Variants in TUBB8 observed in about 807,000 individuals in gnomAD.
TUBB8 encodes the protein tubulin beta 8 class VIII.
A neutral mutation model predicts 33.7 loss-of-function variants in TUBB8; 25 were observed. The ratio of observed to expected loss-of-function variants is 0.74; its 90% CI spans 0.54 to 1.04. The LOEUF (loss-of-function observed/expected upper bound fraction) is 1.04. Ranked by LOEUF, TUBB8 falls within the 50% of genes least tolerant of loss-of-function variation. TUBB8 has a pLI of 0.00. For synonymous variants in TUBB8, 245 were observed against 240.1 expected, an observed-to-expected ratio of 1.02 and a Z score of -0.19; for missense variants, 279 against 608.0, an observed-to-expected ratio of 0.46 and a Z score of 5.69.
intron 1 of TUBB8, among the ~76,000 whole-genome samples, chr10:64,134 G>A (rs1221655382): frequency 5.9e-5 from 9 of 152,104 alleles, no homozygotes; most frequent in Non-Finnish European, 1.2e-4. Flanking sequence ...ATGTGGAGCT[G>A]GAGTTGGGGT....
At chr10:76,170 C>T (rs1393968461), upstream of TUBB8, among the ~76,000 whole-genome samples, 2 of 150,692 alleles carry the variant, frequency 1.3e-5, no homozygotes, top group Non-Finnish European at 3.0e-5. Context: ...ACACGAGCAC[C>T]GATCAGGGGG....
At chr10:58,750 C>T (rs1351352349) in intron 1 of TUBB8, among the ~76,000 whole-genome samples, 2 of 152,168 alleles carry the variant, frequency 1.3e-5, no homozygotes, top group Non-Finnish European at 2.9e-5. Context: ...GGTTAAATCA[C>T]CTGGCCCACC....
At chr10:60,878 A>G (rs1475142339) in intron 1 of TUBB8, among the ~76,000 whole-genome samples, 11 of 152,124 alleles carry the variant, frequency 7.2e-5, no homozygotes, top group African/African-American at 2.7e-4. Context: ...CATATACACC[A>G]TGGAATACTA....
chr10:52,949 T>G (rs200013286), upstream of TUBB8, among the ~76,000 whole-genome samples: 2 of 152,160 alleles, frequency 1.3e-5, no homozygotes, highest in African/African-American at 2.4e-5. Context: ...TCAGGAATTT[T>G]GTGCATTTTG....
chr10:48,232 G>A (rs12218882), intron 3 of TUBB8, 118 bp from the exon 4 acceptor site: 36,660 of 1,056,558 alleles, frequency 0.035, 133 homozygotes, highest in African/African-American at 0.099. Context: ...TCGCCCTGCA[G>A]GTGGAGCAGA....
At chr10:55,645 TTTTAA>T (rs1315356900) in intron 1 of TUBB8, among the ~76,000 whole-genome samples, 1 of 152,244 alleles carries the variant, frequency 6.6e-6, no homozygotes, top group Non-Finnish European at 1.5e-5. Flanking sequence ...TTTTAATTTA[TTTTAA>T]TTTGATTTTT....
chr10:50,276 TA>T (rs1834449876), upstream of TUBB8: 1 of 152,156 alleles, frequency 6.6e-6, no homozygotes, highest in African/African-American at 2.4e-5. Context: ...GAATCCCTTC[TA>T]GGGTGAAAAG....
intron 1 of TUBB8, among the ~76,000 whole-genome samples, chr10:72,238 A>T (rs1190114205): frequency 6.8e-6 from 1 of 147,158 alleles, no homozygotes; most frequent in East Asian, 2.0e-4. Flanking sequence ...AAAACAAACA[A>T]AAAAATTTTT....
chr10:49,084 A>C, intron 1 of TUBB8, 98 bp downstream of exon 1: 1 of 1,378,976 alleles, frequency 7.3e-7, no homozygotes, highest in Non-Finnish European at 9.9e-7. Context: ...CAGGGAGCCC[A>C]GGGGCCGCAA....
At position 67,565 on chromosome 10, in the gene TUBB8, C is replaced by T. The variant is rs556173794; in HGVS notation, c.-846+6404G>A. Among the ~76,000 whole-genome samples the T allele has an allele frequency of 1.5e-4, 23 of 152,290 alleles. 1 individual carries two copies. The highest frequency in any genetic ancestry group is 1.4e-3 in the East Asian group (7 of 5,174). The stretch of plus-strand genomic sequence containing the variant: ...TCAGCCTCCCAAGTAGCTAGGATTA[C>T]ATGCGCATGCCACGATCCCTGGCTA... On this transcript the variant is annotated intron_variant, in intron 1 of 3. Coordinates refer to the TUBB8 transcript ENST00000564130.
chr10:68,499 A>G (rs1296302871), intron 1 of TUBB8, among the ~76,000 whole-genome samples: 1 of 152,228 alleles, frequency 6.6e-6, no homozygotes, highest in Non-Finnish European at 1.5e-5. Context: ...GGTGCTTGGT[A>G]CACAGCTTCC....
At chr10:46,597 GT>G (rs1834329662), downstream of TUBB8, among the ~76,000 whole-genome samples, 1 of 141,790 alleles carries the variant, frequency 7.1e-6, no homozygotes, top group African/African-American at 2.6e-5. Context: ...CCCTTTTAAC[GT>G]TCCAGAAACA....
intron 1 of TUBB8, among the ~76,000 whole-genome samples, chr10:58,198 G>A (rs1834556962): frequency 6.6e-6 from 1 of 152,172 alleles, no homozygotes; most frequent in Non-Finnish European, 1.5e-5. Context: ...ATTTTCATCT[G>A]AGACCTCCTC....
chr10:51,282 T>G (rs1401372315), upstream of TUBB8, among the ~76,000 whole-genome samples: 1 of 152,210 alleles, frequency 6.6e-6, no homozygotes, highest in Non-Finnish European at 1.5e-5. Context: ...CTAATTTTTC[T>G]ACTTTTAGTA....
upstream of TUBB8, among the ~76,000 whole-genome samples, chr10:75,574 A>G (rs1834800417): frequency 6.8e-6 from 1 of 146,770 alleles, no homozygotes; most frequent in East Asian, 2.1e-4. Context: ...AGAATTGCTT[A>G]AACCCGGGAG....
chr10:76,185 T>G (rs1554743190), upstream of TUBB8, among the ~76,000 whole-genome samples: 2 of 148,962 alleles, frequency 1.3e-5, no homozygotes, highest in Non-Finnish European at 3.0e-5. Context: ...AGGGGGCGTC[T>G]GTTTCCTCGG....
At chr10:54,032 G>A (rs1351286992), upstream of TUBB8, among the ~76,000 whole-genome samples, 2 of 152,072 alleles carry the variant, frequency 1.3e-5, no homozygotes, top group Admixed American at 1.3e-4. Context: ...TTTATAGCTT[G>A]TTTTATAAAC....
upstream of TUBB8, among the ~76,000 whole-genome samples, chr10:75,654 C>CA (rs35362588): frequency 0.45 from 41,532 of 93,296 alleles, 7,490 homozygotes; most frequent in Middle Eastern, 0.52. Flanking sequence ...GACTCTGTCT[C>CA]AAAAAAAAAA....
chr10:62,925 T>A (rs1554741087), intron 1 of TUBB8, among the ~76,000 whole-genome samples: 5 of 152,238 alleles, frequency 3.3e-5, no homozygotes, highest in Non-Finnish European at 1.5e-5. Context: ...CATTTCTTTA[T>A]CCTTAACCTT....
Sources: allele counts gnomAD v4.1 joint callset (sites outside exome capture counted in the v4.1 genomes callset), GRCh38; gene constraint gnomAD v4.1.1; transcripts MANE v1.5; gene names NCBI Gene and HGNC (gene_info 2026-07-23, HGNC 2026-07-21).